The following TXNDC9 variants were observed in gnomAD, a reference collection of about 807,000 sequenced individuals.
The protein encoded by TXNDC9 is thioredoxin domain-containing protein 9.
A neutral mutation model predicts 23.0 loss-of-function variants in TXNDC9; 7 were observed. The ratio of observed to expected loss-of-function variants is 0.30; its 90% CI spans 0.17 to 0.57. The LOEUF is 0.57. TXNDC9 is among the 20% of genes least tolerant of loss of function. TXNDC9 has a pLI of 0.90. For missense variants in TXNDC9, 198 were observed against 252.6 expected (o/e 0.78, Z 1.47); for synonymous variants, 72 against 90.6 (o/e 0.79, Z 1.17).
chr2:99,318,401 C>T (rs114852006), downstream of TXNDC9, among the ~76,000 whole-genome samples: 555 of 151,818 alleles, frequency 3.7e-3, 2 homozygotes, highest in Admixed American at 5.8e-3. Flanking sequence ...GTCTTGATCT[C>T]TTGACCTTGT....
Position 99,319,770 on chromosome 2 carries a change from T to A in TXNDC9, c.593A>T (p.Asn198Ile). 6.3e-7 allele frequency: 1 copy of A among 1,597,016 alleles called. No homozygotes were observed. Among genetic ancestry groups the A allele is most frequent in the Non-Finnish European group, 8.5e-7 (1 of 1,175,402 alleles). The change falls in exon 5 of 5, where the codon AAC (asparagine) becomes ATC (isoleucine). Residue 198 changes from asparagine to isoleucine, a missense_variant. Transcript: ENST00000264255. ...SGNLMEPPFQ[N>I]QKKFGTNFTK... ...GAAGTTTGTTCCAAATTTCTTTTGG[T>A]TCTGAAATGGTGGCTCCATTAAATT...
At chr2:99,331,225 T>G (rs2094224636) in intron 2 of TXNDC9, among the ~76,000 whole-genome samples, 1 of 152,210 alleles carries the variant, frequency 6.6e-6, no homozygotes, top group Non-Finnish European at 1.5e-5. Context: ...ATATATTACC[T>G]TAAATTCCAA....
chr2:99,317,429 C>G (rs2094191746), downstream of TXNDC9, among the ~76,000 whole-genome samples: 1 of 152,160 alleles, frequency 6.6e-6, no homozygotes, highest in African/African-American at 2.4e-5. Context: ...TCCACTTACC[C>G]TGAAGTATGC....
the TXNDC9 span, among the ~76,000 whole-genome samples, chr2:99,311,166 C>T: frequency 6.6e-6 from 1 of 152,182 alleles, no homozygotes; most frequent in Non-Finnish European, 1.5e-5. Flanking sequence ...GCTGGGACTA[C>T]AGGTGTGTGC....
At chr2:99,328,262 AT>A (rs59604079) in intron 2 of TXNDC9, among the ~76,000 whole-genome samples, 54,108 of 137,456 alleles carry the variant, frequency 0.39, 10,562 homozygotes, top group Admixed American at 0.52. Context: ...CACGCCTGGC[AT>A]TTTTTTTTTT....
the TXNDC9 span, chr2:99,306,628 T>C: frequency 6.1e-6 from 2 of 325,240 alleles, no homozygotes; most frequent in Non-Finnish European, 6.4e-6. Context: ...TACTTATTGA[T>C]GTAGACATTT....
intron 4 of TXNDC9, among the ~76,000 whole-genome samples, chr2:99,320,222 T>A (rs7609108): frequency 2.6e-5 from 4 of 152,046 alleles, no homozygotes; most frequent in South Asian, 2.1e-4. Context: ...TGCCCAGGCT[T>A]GTCTTGAACT....
chr2:99,319,951 A>T, intron 4 of TXNDC9, 152 bp from the exon 5 acceptor site: 1 of 577,868 alleles, frequency 1.7e-6, no homozygotes, highest in Non-Finnish European at 3.0e-6. Flanking sequence ...TTATATTGAT[A>T]TTGATGGTTA....
intron 1 of TXNDC9, 50 bp downstream of exon 1, chr2:99,336,188 AC>A: frequency 1.0e-6 from 1 of 984,064 alleles, no homozygotes; most frequent in African/African-American, 1.8e-5. Context: ...CAGAATGTTC[AC>A]CAGCACCCGG....
intron 2 of TXNDC9, among the ~76,000 whole-genome samples, chr2:99,329,680 T>A (rs1245371883): frequency 2.0e-5 from 3 of 152,158 alleles, no homozygotes; most frequent in Non-Finnish European, 4.4e-5. Flanking sequence ...TAAAAAGTAT[T>A]TGTTAGGCTG....
chr2:99,334,613 A>C (rs1301738989), intron 1 of TXNDC9, among the ~76,000 whole-genome samples: 1 of 152,236 alleles, frequency 6.6e-6, no homozygotes, highest in African/African-American at 2.4e-5. Context: ...AGGTACGATA[A>C]ATACAGTATT....
intron 1 of TXNDC9, 135 bp from the exon 2 acceptor site, chr2:99,333,377 T>A: frequency 1.5e-6 from 1 of 683,466 alleles, no homozygotes; most frequent in East Asian, 2.9e-5. Flanking sequence ...AAGCACTTGA[T>A]GCTGGGCTTA....
the TXNDC9 span, among the ~76,000 whole-genome samples, chr2:99,309,814 G>A: frequency 1.3e-5 from 2 of 152,064 alleles, no homozygotes; most frequent in African/African-American, 4.8e-5. Context: ...AGCCTCCTGA[G>A]TAGTGAGATT....
downstream of TXNDC9, among the ~76,000 whole-genome samples, chr2:99,317,757 C>T (rs561653625): frequency 6.6e-6 from 1 of 152,130 alleles, no homozygotes; most frequent in African/African-American, 2.4e-5. Context: ...GTATTACAGG[C>T]ATGAGCCACC....
chr2:99,323,909 G>T (rs899295506), intron 3 of TXNDC9, among the ~76,000 whole-genome samples: 1 of 152,022 alleles, frequency 6.6e-6, no homozygotes, highest in Non-Finnish European at 1.5e-5. Context: ...GCAGTGGCGC[G>T]ATCTCGGCTC....
intron 2 of TXNDC9, among the ~76,000 whole-genome samples, chr2:99,329,065 C>T (rs2094219334): frequency 6.6e-6 from 1 of 152,182 alleles, no homozygotes; most frequent in South Asian, 2.1e-4. Flanking sequence ...AGCTCTGAAG[C>T]TCAAGAGCCC....
intron 3 of TXNDC9, chr2:99,322,652 ATGCAACGC>A (rs1466064775): frequency 1.3e-6 from 2 of 1,540,924 alleles, no homozygotes; most frequent in Non-Finnish European, 8.7e-7. Flanking sequence ...ACTCCTAAAT[ATGCAACGC>A]TGTCAGTAAG....
chr2:99,321,952 T>C lies in TXNDC9; in HGVS notation c.563+3A>G. ...ATCAATCTCTTCTTTTGTTAAAAGT[T>C]ACCTGTAATTAAGAATGTCAGAAGA... On this transcript the variant is annotated splice_donor_region_variant and intron_variant, in intron 4 of 4. Transcript: ENST00000264255. 1 of 1,599,884 alleles carries C rather than the reference T, an allele frequency of 6.3e-7. No individual in the cohort carries two copies. The highest frequency in any genetic ancestry group is 8.5e-7 in the Non-Finnish European group (1 of 1,173,378).
Position 99,319,664 on chromosome 2 carries a change from A to G in TXNDC9, c.*18T>C, listed in dbSNP as rs771279688. 18 of 1,524,424 alleles carry G rather than the reference A, an allele frequency of 1.2e-5. No homozygotes were observed. The East Asian group carries it at 1.6e-4, about 13-fold the overall frequency. 94.4% of individuals were successfully genotyped at this position (1,524,424 alleles called of 1,614,324 possible). A position where few individuals can be genotyped will look rare whatever the true frequency, so the allele number is the denominator to read the frequency against. On this transcript the variant is annotated 3_prime_UTR_variant, in exon 5 of 5. Coordinates refer to ENST00000264255, the MANE Select transcript of TXNDC9 (RefSeq NM_005783.4). ...TGAAGCAGAAAAAAAAAGACAATTT[A>G]CAAAGAATTATTGAGCTCTAATCAT... is the stretch of plus-strand genomic sequence containing the variant.
Sources: allele counts gnomAD v4.1 joint callset (sites outside exome capture counted in the v4.1 genomes callset), GRCh38; gene constraint gnomAD v4.1.1; transcripts MANE v1.5; gene names NCBI Gene and HGNC (gene_info 2026-07-23, HGNC 2026-07-21).